The following DOP1A variants were observed in gnomAD, a reference collection of about 807,000 sequenced individuals.
DOP1A encodes DOP1 leucine zipper like protein A.
Under a neutral mutation model 267.6 loss-of-function variants are expected in DOP1A, and 90 were observed. The ratio of observed to expected loss-of-function variants is 0.34; its 90% CI spans 0.28 to 0.40. The LOEUF (loss-of-function observed/expected upper bound fraction) is 0.40, where lower values mean the gene tolerates loss of function less well. Ranked by LOEUF, DOP1A falls within the 10% of genes least tolerant of loss-of-function variation. The pLI is 1.00. For synonymous variants in DOP1A, 932 were observed against 999.1 expected (o/e 0.93, Z 1.27); for missense variants, 2,437 against 2,900.4 (o/e 0.84, Z 3.67).
At chr6:83,142,269 G>A (rs1454060931) in intron 24 of DOP1A, among the ~76,000 whole-genome samples, 2 of 152,048 alleles carry the variant, frequency 1.3e-5, no homozygotes, top group African/African-American at 4.8e-5. Context: ...CAGCACTTTG[G>A]GAGGCCGAGG....
chr6:83,157,422 C>T (rs1049247440), intron 35 of DOP1A, 104 bp downstream of exon 35: 2 of 1,247,786 alleles, frequency 1.6e-6, no homozygotes, highest in African/African-American at 3.0e-5. Flanking sequence ...GAGAACTGAG[C>T]TGTAGTTAAA....
intron 30 of DOP1A, 107 bp from the exon 31 acceptor site, chr6:83,153,404 T>G: frequency 1.6e-6 from 1 of 610,082 alleles, no homozygotes; most frequent in East Asian, 3.1e-5. Flanking sequence ...ATTTTAGATT[T>G]TTCTAATTTT....
chr6:83,125,647 C>CCTCCACTGTTAT lies in DOP1A; in HGVS notation c.1636_1647dup (p.Pro546_Ser549dup). ...CTCAAAGATCCTTAGCAAGGTTCAGCCTCCACTGTTATCTGCTAGCACTGG... is the reference window on the plus strand; with the variant it reads ...CTCAAAGATCCTTAGCAAGGTTCAGCCTCCACTGTTATCTCCACTGTTATCTGCTAGCACTGG... On this transcript the variant is annotated inframe_insertion, in exon 15 of 39. Transcript: ENST00000349129. 1.2e-6 allele frequency: 2 copies of CCTCCACTGTTAT among 1,613,838 alleles called. No individual in the cohort carries two copies. The highest frequency in any genetic ancestry group is 8.5e-7 in the Non-Finnish European group (1 of 1,179,814).
chr6:83,135,524 A>C (rs1778745662), intron 19 of DOP1A, 95 bp from the exon 20 acceptor site: 1 of 1,312,332 alleles, frequency 7.6e-7, no homozygotes. Flanking sequence ...CAAAATAGTT[A>C]ATTCAAAATA....
intron 1 of DOP1A, among the ~76,000 whole-genome samples, chr6:83,074,885 T>C (rs1766800029): frequency 6.6e-6 from 1 of 152,206 alleles, no homozygotes; most frequent in South Asian, 2.1e-4. Context: ...AAATGTTGAA[T>C]ACATTTCAAC....
chr6:83,109,568 A>G (rs1239218121), intron 5 of DOP1A, among the ~76,000 whole-genome samples: 1 of 152,184 alleles, frequency 6.6e-6, no homozygotes, highest in Non-Finnish European at 1.5e-5. Flanking sequence ...TTAAGTTGCT[A>G]ATGGGAGAAA....
rs748317042 is a variant in DOP1A at position 83,100,725 on chromosome 6, G to T, written c.159G>T (p.Lys53Asn). 1.3e-6 allele frequency: 2 copies of T among 1,517,430 alleles called. No homozygotes were observed. Among genetic ancestry groups the T allele is most frequent in the Non-Finnish European group, 1.8e-6 (2 of 1,133,378 alleles). The allele number at this position is 1,517,430 out of a possible 1,614,324, so 94.0% of individuals were successfully genotyped here. Reference sequence around the variant, plus strand: ...TCAAGGTTTTACAAAATAATGCAAAGTACCAAGTAGTACCCAAAAAGCTGA... The same window carrying T: ...TCAAGGTTTTACAAAATAATGCAAATTACCAAGTAGTACCCAAAAAGCTGA... ...KLNKVLQNNA[K>N]YQVVPKKLTI... Residue 53 changes from lysine (K) to asparagine (N), a missense_variant, in exon 4 of 39, where the codon AAG (lysine) becomes AAT (asparagine). Transcript: ENST00000349129.
In DOP1A at chr6:83,162,924, C is replaced by G; in HGVS notation, c.7092+5C>G. 2 of 1,608,880 alleles carry G rather than the reference C, an allele frequency of 1.2e-6. No individual in the cohort carries two copies. The highest frequency in any genetic ancestry group is 1.7e-4 in the Middle Eastern group (1 of 6,030). On this transcript the variant is annotated splice_donor_5th_base_variant and intron_variant, in intron 38 of 38. Coordinates refer to ENST00000349129, the MANE Select transcript of DOP1A (RefSeq NM_015018.4). ...CTTCTTCGGAAAAGAGCAAAGGTAT[C>G]GCATTCTTTTGTGATTGTTTTGTTT...
At chr6:83,159,745 T>C in intron 36 of DOP1A, 51 bp from the exon 37 acceptor site, 1 of 1,601,854 alleles carries the variant, frequency 6.2e-7, no homozygotes, top group Non-Finnish European at 8.5e-7. Flanking sequence ...TTCCAGGAAT[T>C]CCTGTGAGTA....
Position 83,137,934 on chromosome 6 carries a change from C to T in DOP1A, c.3892C>T (p.Pro1298Ser). The T allele has an allele frequency of 1.2e-6, 2 of 1,605,104 alleles. No individual in the cohort carries two copies. The highest frequency in any genetic ancestry group is 1.7e-6 in the Non-Finnish European group (2 of 1,177,502). ...GTCAGGTAAACAACCAGGAGCAAAA[C>T]CTAAAGTAAAACTTGCCAGAAAAAA... is the stretch of plus-strand genomic sequence containing the variant. ...KESGKQPGAK[P>S]KVKLARKKDD... Residue 1298 changes from proline to serine, a missense_variant, in exon 21 of 39, where the codon CCT becomes TCT. Transcript: ENST00000349129.
intron 19 of DOP1A, among the ~76,000 whole-genome samples, chr6:83,134,815 A>G (rs957123876): frequency 1.3e-5 from 2 of 152,042 alleles, no homozygotes; most frequent in Non-Finnish European, 2.9e-5. Context: ...AGGAGCTGCC[A>G]TTTTTAGGTG....
Position 83,113,325 on chromosome 6 carries a change from A to G in DOP1A, c.684A>G (p.Val228=), listed in dbSNP as rs1388781993. The change falls in exon 7 of 39, where the codon GTA becomes GTG. Residue 228 remains valine, a splice_region_variant and synonymous_variant. Transcript: ENST00000349129. The part of the protein sequence containing the change: ...YIIGSDIELM[V]EAVSTSVQDS... ...TGTTAAAGATGCTGTTATTTCAGGT[A>G]GAAGCAGTAAGTACTTCAGTGCAGG... is the stretch of plus-strand genomic sequence containing the variant. 2 of 1,610,720 alleles carry G rather than the reference A, an allele frequency of 1.2e-6. No homozygotes were observed. Among genetic ancestry groups the G allele is most frequent in the Non-Finnish European group, 1.7e-6 (2 of 1,178,020 alleles).
intron 37 of DOP1A, among the ~76,000 whole-genome samples, chr6:83,160,781 G>T (rs1484671346): frequency 6.6e-6 from 1 of 152,220 alleles, no homozygotes; most frequent in South Asian, 2.1e-4. Flanking sequence ...TTATTATATT[G>T]TGTCTTATTT....
chr6:83,166,575 A>C (rs1480561974), intron 38 of DOP1A: 1 of 627,020 alleles, frequency 1.6e-6, no homozygotes, highest in Non-Finnish European at 2.7e-6. Context: ...AAAGTGAGAA[A>C]TATGCTTAAA....
chr6:83,089,994 A>G (rs1311585308), intron 1 of DOP1A, among the ~76,000 whole-genome samples: 1 of 152,226 alleles, frequency 6.6e-6, no homozygotes, highest in African/African-American at 2.4e-5. Flanking sequence ...TCACAAGACA[A>G]TTCAAGATAG....
intron 1 of DOP1A, among the ~76,000 whole-genome samples, chr6:83,085,778 TTTATGTTATGTTATG>T (rs55657605): frequency 0.011 from 1,630 of 143,054 alleles, 30 homozygotes; most frequent in East Asian, 0.088. Flanking sequence ...TTTGCGGTAT[TTTATGTTATGTTATG>T]TTATGTTATG....
Position 83,152,328 on chromosome 6 carries a change from T to C in DOP1A, c.6090T>C (p.Pro2030=), listed in dbSNP as rs1451383993. Reference sequence around the variant, plus strand: ...CAATGGAAACCGCAAACATAACTCCTTCTGTATATAGTGTCCATGCATTGA... The same window carrying C: ...CAATGGAAACCGCAAACATAACTCCCTCTGTATATAGTGTCCATGCATTGA... ...SPAMETANIT[P]SVYSVHALTL... is the part of the protein sequence containing the mutation. The change falls in exon 30 of 39, where the codon CCT becomes CCC. Residue 2030 remains proline (P), a synonymous_variant. Coordinates refer to ENST00000349129, the MANE Select transcript of DOP1A (RefSeq NM_015018.4). 1.9e-6 allele frequency: 3 copies of C among 1,571,144 alleles called. No individual in the cohort carries two copies. The highest frequency in any genetic ancestry group is 1.4e-5 in the African/African-American group (1 of 72,434).
Position 83,097,029 on chromosome 6 carries a change from G to A in DOP1A, c.52G>A (p.Val18Ile). 1 of 1,614,102 alleles carries A rather than the reference G, an allele frequency of 6.2e-7. No homozygotes were observed. The highest frequency in any genetic ancestry group is 8.5e-7 in the Non-Finnish European group (1 of 1,179,996). Reference sequence around the variant, plus strand: ...GAGTGACTCCAAATACAGAAACTATGTAGCAGCAATTGACAAAGCACTAAA... The same window carrying A: ...GAGTGACTCCAAATACAGAAACTATATAGCAGCAATTGACAAAGCACTAAA... ...LLSDSKYRNY[V>I]AAIDKALKNF... Residue 18 changes from valine (V) to isoleucine (I), a missense_variant, in exon 3 of 39, where the codon GTA becomes ATA. Physicochemically the swap from Val to Ile is conservative, Grantham distance 29 (BLOSUM62 3). This residue lies in a region of DOP1A where 251 missense variants were observed against 359.1 expected (regional missense o/e 0.70). Coordinates refer to ENST00000349129, the MANE Select transcript of DOP1A (RefSeq NM_015018.4).
chr6:83,129,042 G>T lies in DOP1A; in HGVS notation c.1875G>T (p.Gly625=), dbSNP rs764882541. ...ACAGAGAACTGAGTGAGGGCCAGGGGGCAGCTGCCATCCCAATTGGTAGCA... is the reference window on the plus strand; with the variant it reads ...ACAGAGAACTGAGTGAGGGCCAGGGTGCAGCTGCCATCCCAATTGGTAGCA... ...DIDRELSEGQ[G]AAAIPIGSTS... The change falls in exon 16 of 39, where the codon GGG becomes GGT. Residue 625 remains glycine (G), a synonymous_variant. Coordinates refer to ENST00000349129, the MANE Select transcript of DOP1A (RefSeq NM_015018.4). 2 of 1,613,824 alleles carry T rather than the reference G, an allele frequency of 1.2e-6. No homozygotes were observed. Among genetic ancestry groups the T allele is most frequent in the Admixed American group, 3.3e-5 (2 of 59,966 alleles).
Sources: gnomAD v4.1 joint callset for allele counts (sites outside exome capture counted in the v4.1 genomes callset) on GRCh38, gnomAD v4.1.1 for gene constraint, gnomAD v4.1.1 regional missense constraint, MANE v1.5 for transcripts, NCBI Gene and HGNC (gene_info 2026-07-23, HGNC 2026-07-21) for gene names.